HADHB: variants seen among roughly 807,000 people sequenced by gnomAD.
HADHB encodes trifunctional enzyme subunit beta, mitochondrial.
In HADHB, 50 loss-of-function variants were observed where a neutral mutation model predicts 61.9. The observed-to-expected ratio is 0.81, with a 90% CI of 0.64 to 1.02. The LOEUF (loss-of-function observed/expected upper bound fraction) is 1.02. HADHB is among the 50% of genes least tolerant of loss of function. The pLI is 0.00. For missense variants in HADHB, 504 were observed against 586.5 expected, an observed-to-expected ratio of 0.86 and a Z score of 1.45; for synonymous variants, 191 against 201.6, an observed-to-expected ratio of 0.95 and a Z score of 0.45.
At chr2:26,260,217 G>T (rs1293912994) in intron 3 of HADHB, among the ~76,000 whole-genome samples, 1 of 151,758 alleles carries the variant, frequency 6.6e-6, no homozygotes, top group East Asian at 1.9e-4. Context: ...CAGTAGCTGG[G>T]ATTATAGGAG....
At position 26,273,710 on chromosome 2, in the gene HADHB, C is replaced by T. The variant is rs1261554885; in HGVS notation, c.314C>T (p.Thr105Ile). The T allele has an allele frequency of 1.2e-6, 2 of 1,608,372 alleles. No individual in the cohort carries two copies. Among genetic ancestry groups the T allele is most frequent in the Non-Finnish European group, 1.7e-6 (2 of 1,174,962 alleles). Residue 105 changes from threonine (T) to isoleucine (I), a missense_variant, in exon 6 of 16, where the codon ACA (threonine) becomes ATA (isoleucine). Transcript: ENST00000317799. ...GTAGTTGATTATATCATCTTTGGTA[C>T]AGTTATTCAGGAAGTGAAAACAAGC... Reference protein sequence around the residue: ...KEVVDYIIFGTVIQEVKTSNV... With the variant: ...KEVVDYIIFGIVIQEVKTSNV...
chr2:26,266,463 G>A (rs1345694995), intron 4 of HADHB, among the ~76,000 whole-genome samples: 1 of 152,066 alleles, frequency 6.6e-6, no homozygotes, highest in Non-Finnish European at 1.5e-5. Context: ...TTATTTGGAA[G>A]GCCAGGTTCT....
intron 10 of HADHB, among the ~76,000 whole-genome samples, chr2:26,280,401 T>C (rs144860773): frequency 3.3e-5 from 5 of 152,226 alleles, no homozygotes; most frequent in African/African-American, 1.2e-4. Context: ...ATGAAAAGAA[T>C]AGACAATTGC....
chr2:26,261,156 G>A (rs1248371128), intron 3 of HADHB: 5 of 671,426 alleles, frequency 7.4e-6, no homozygotes, highest in East Asian at 5.5e-5. Context: ...TGTAAGCAGG[G>A]CAACTCCCTT....
chr2:26,283,926 A>T (rs948480921), intron 12 of HADHB, among the ~76,000 whole-genome samples, 191 bp from the exon 13 acceptor site: 1 of 152,240 alleles, frequency 6.6e-6, no homozygotes, highest in African/African-American at 2.4e-5. Flanking sequence ...TGACTCTGCA[A>T]CATAAGAGTA....
intron 1 of HADHB, among the ~76,000 whole-genome samples, chr2:26,253,901 T>TAAATAAAA (rs1312209475): frequency 1.1e-3 from 159 of 145,654 alleles, no homozygotes; most frequent in African/African-American, 3.2e-3. Flanking sequence ...AATAAATAAA[T>TAAATAAAA]AAAAATTCCA....
intron 10 of HADHB, 114 bp from the exon 11 acceptor site, chr2:26,282,731 A>G: frequency 1.3e-6 from 1 of 741,930 alleles, no homozygotes; most frequent in African/African-American, 1.7e-5. Context: ...GTTATATAGA[A>G]TCACTGTATA....
chr2:26,261,057 A>G, intron 3 of HADHB: 1 of 1,436,054 alleles, frequency 7.0e-7, no homozygotes, highest in Non-Finnish European at 9.5e-7. Flanking sequence ...ATATGGATGG[A>G]TCATTGGTGA....
At chr2:26,273,100 A>T (rs932493365) in intron 5 of HADHB, among the ~76,000 whole-genome samples, 1 of 151,792 alleles carries the variant, frequency 6.6e-6, no homozygotes, top group Non-Finnish European at 1.5e-5. Context: ...AAAAAAAAAA[A>T]GGAAACCAAG....
At position 26,248,402 on chromosome 2, in the gene HADHB, A is replaced by G. The variant is rs140409214; in HGVS notation, c.-9+3412A>G. On this transcript the variant is annotated intron_variant, in intron 1 of 15. Transcript: ENST00000317799. ...GAGTATTTCTTTTTTTTTTTTTGAG[A>G]CGGAGTCTCGTTCTGTCTCCTAGGC... 2.6e-3 allele frequency among the ~76,000 whole-genome samples: 388 copies of G among 151,050 alleles called. 3 individuals carry two copies. Among genetic ancestry groups the G allele is most frequent in the African/African-American group, 9.1e-3 (373 of 41,122 alleles).
chr2:26,282,116 C>G (rs953549347), intron 10 of HADHB, among the ~76,000 whole-genome samples: 8 of 151,588 alleles, frequency 5.3e-5, no homozygotes, highest in African/African-American at 1.5e-4. Flanking sequence ...AAGCCACGGG[C>G]AGAAAGCAGC....
intron 1 of HADHB, among the ~76,000 whole-genome samples, chr2:26,248,935 G>A (rs931369820): frequency 2.0e-5 from 3 of 151,750 alleles, no homozygotes; most frequent in East Asian, 3.9e-4. Flanking sequence ...CACGTGCCTG[G>A]AGTCTCAGCT....
At position 26,285,616 on chromosome 2, in the gene HADHB, T is replaced by C. The variant is rs1226658368; in HGVS notation, c.1389+45T>C. 3.4e-6 allele frequency: 5 copies of C among 1,491,002 alleles called. No homozygotes were observed. The South Asian group carries it at 4.6e-5, about 14-fold the overall frequency. The allele number at this position is 1,491,002 out of a possible 1,614,324, so 92.4% of individuals were successfully genotyped here. A position where few individuals can be genotyped will look rare whatever the true frequency, so the allele number is the denominator to read the frequency against. ...TAGGACCCTCCAGAGAGTCATTTTC[T>C]TGGAATGACTAGAATGTATGATTTA... On this transcript the variant is annotated intron_variant, in intron 15 of 15. Transcript: ENST00000317799.
At chr2:26,276,275 C>T (rs1183067896) in intron 6 of HADHB, among the ~76,000 whole-genome samples, 2 of 152,148 alleles carry the variant, frequency 1.3e-5, no homozygotes, top group Non-Finnish European at 2.9e-5. Context: ...TTCTTAAAGC[C>T]GCTCAGATGA....
chr2:26,255,567 C>T (rs1044219417), intron 3 of HADHB, among the ~76,000 whole-genome samples: 9 of 151,588 alleles, frequency 5.9e-5, no homozygotes, highest in African/African-American at 2.2e-4. Flanking sequence ...AAGACCTGTA[C>T]TCTCTTCCAG....
chr2:26,284,351 G>A, intron 13 of HADHB, 147 bp downstream of exon 13: 1 of 709,592 alleles, frequency 1.4e-6, no homozygotes, highest in Non-Finnish European at 2.5e-6. Flanking sequence ...ACTGCTGGGA[G>A]GGGCCCGAGG....
intron 3 of HADHB, among the ~76,000 whole-genome samples, chr2:26,256,542 TATATAC>T (rs1416565143): frequency 3.9e-5 from 6 of 152,014 alleles, no homozygotes; most frequent in South Asian, 4.1e-4. Context: ...TATATATATA[TATATAC>T]ACACACACGT....
chr2:26,263,158 G>A (rs1437594738), intron 3 of HADHB, among the ~76,000 whole-genome samples: 1 of 151,950 alleles, frequency 6.6e-6, no homozygotes, highest in Non-Finnish European at 1.5e-5. Context: ...AATTAGCTGG[G>A]CATGATGGCA....
chr2:26,277,812 A>G (rs1672611414), intron 7 of HADHB, among the ~76,000 whole-genome samples: 1 of 152,188 alleles, frequency 6.6e-6, no homozygotes, highest in South Asian at 2.1e-4. Context: ...CTTTCAACCT[A>G]GGTGCTTCAG....
Sources: gnomAD v4.1 joint callset for allele counts (sites outside exome capture counted in the v4.1 genomes callset) on GRCh38, gnomAD v4.1.1 for gene constraint, MANE v1.5 for transcripts, NCBI Gene and HGNC (gene_info 2026-07-23, HGNC 2026-07-21) for gene names.